Variants in STPG2 observed in about 807,000 individuals in gnomAD.
STPG2 encodes sperm-tail PG-rich repeat-containing protein 2.
STPG2 carries 56 observed loss-of-function variants against 54.2 expected under a neutral mutation model. The ratio of observed to expected loss-of-function variants is 1.03; its 90% CI spans 0.83 to 1.29. The LOEUF (loss-of-function observed/expected upper bound fraction) is 1.29. Among genes scored for constraint, STPG2 ranks in the 50% most tolerant of loss-of-function variants. STPG2 has a pLI of 0.00. For missense variants in STPG2, 596 were observed against 544.9 expected, an observed-to-expected ratio of 1.09 and a Z score of -0.93; for synonymous variants, 200 against 181.8, an observed-to-expected ratio of 1.10 and a Z score of -0.81.
chr4:97,895,573 C>A (rs1730926249), intron 8 of STPG2, among the ~76,000 whole-genome samples: 1 of 151,590 alleles, frequency 6.6e-6, no homozygotes, highest in Non-Finnish European at 1.5e-5. Flanking sequence ...ACAAATTGAA[C>A]TTAATAGCTA....
chr4:97,675,994 CAT>C (rs1192039543), intron 10 of STPG2, among the ~76,000 whole-genome samples: 3 of 142,924 alleles, frequency 2.1e-5, no homozygotes, highest in Non-Finnish European at 4.5e-5. Context: ...ATATATAAAA[CAT>C]ATATATACTA....
intron 7 of STPG2, among the ~76,000 whole-genome samples, chr4:97,958,276 C>T (rs1169586198): frequency 2.0e-5 from 3 of 151,626 alleles, no homozygotes; most frequent in Non-Finnish European, 4.4e-5. Context: ...AGCCACTGCA[C>T]TCCAGCCTGA....
chr4:97,818,653 T>C (rs908376231), intron 9 of STPG2, among the ~76,000 whole-genome samples: 4 of 151,936 alleles, frequency 2.6e-5, no homozygotes, highest in African/African-American at 9.7e-5. Flanking sequence ...CACTCTATTT[T>C]AGACTTTAAT....
intron 10 of STPG2, among the ~76,000 whole-genome samples, chr4:97,561,452 T>G (rs1732239689): frequency 6.6e-6 from 1 of 152,210 alleles, no homozygotes; most frequent in Non-Finnish European, 1.5e-5. Context: ...TTTAGTTTAA[T>G]TAGATCTCAT....
intron 5 of STPG2, among the ~76,000 whole-genome samples, chr4:98,031,637 A>G (rs995169902): frequency 2.6e-5 from 4 of 152,132 alleles, no homozygotes; most frequent in African/African-American, 9.7e-5. Context: ...GTGAGCCGAG[A>G]TCATGCCACC....
intron 7 of STPG2, among the ~76,000 whole-genome samples, chr4:97,959,829 C>A (rs1159375624): frequency 6.6e-6 from 1 of 151,948 alleles, no homozygotes; most frequent in East Asian, 1.9e-4. Context: ...AAGAGGGAAA[C>A]CTCTCTAAAT....
chr4:97,921,620 C>G (rs1297293864), intron 8 of STPG2, among the ~76,000 whole-genome samples: 1 of 151,764 alleles, frequency 6.6e-6, no homozygotes, highest in Non-Finnish European at 1.5e-5. Context: ...AAGCAAAAAA[C>G]CTACAAGACA....
At chr4:97,615,710 G>C (rs902896101) in intron 10 of STPG2, among the ~76,000 whole-genome samples, 18 of 151,830 alleles carry the variant, frequency 1.2e-4, no homozygotes, top group African/African-American at 3.9e-4. Context: ...AATGGTTCAT[G>C]AATTTCATTA....
At chr4:97,489,317 G>C (rs145257389) in intron 4 of STPG2, among the ~76,000 whole-genome samples, 134 of 151,848 alleles carry the variant, frequency 8.8e-4, no homozygotes, top group African/African-American at 2.8e-3. Flanking sequence ...GATAGACAGA[G>C]AGACAGATAA....
At chr4:97,644,617 A>G (rs1721858119) in intron 10 of STPG2, among the ~76,000 whole-genome samples, 1 of 151,998 alleles carries the variant, frequency 6.6e-6, no homozygotes, top group Non-Finnish European at 1.5e-5. Flanking sequence ...CATGGGAACT[A>G]CTAGGGGACA....
chr4:97,703,756 T>C (rs1428559232), intron 10 of STPG2, among the ~76,000 whole-genome samples: 2 of 139,492 alleles, frequency 1.4e-5, no homozygotes, highest in East Asian at 4.1e-4. Context: ...ATATATATAG[T>C]ATATTAGCAT....
rs532920833 is a variant in STPG2, at chr4:97,778,503, C to T, written c.1204+62270G>A. ...CCTGCCTCTGTAGACTCCACCTCTA[C>T]GGGCAGGGCATAGCTGAACAAAAGG... On this transcript the variant is annotated intron_variant, in intron 9 of 10. Coordinates refer to ENST00000295268, the MANE Select transcript of STPG2 (RefSeq NM_174952.3). Among the ~76,000 whole-genome samples, 12 of 152,280 alleles carry T rather than the reference C, an allele frequency of 7.9e-5. No homozygotes were observed. The South Asian group carries it at 1.0e-3, about 13-fold the overall frequency.
At chr4:97,486,919 A>T (rs1350702302) in intron 4 of STPG2, among the ~76,000 whole-genome samples, 1 of 150,442 alleles carries the variant, frequency 6.6e-6, no homozygotes, top group African/African-American at 2.4e-5. Flanking sequence ...CTCAGCCATA[A>T]AAAAGAATGA....
intron 9 of STPG2, among the ~76,000 whole-genome samples, chr4:97,739,507 C>T (rs551430601): frequency 6.7e-4 from 102 of 152,090 alleles, no homozygotes; most frequent in African/African-American, 2.1e-3. Context: ...ATCAAATAGA[C>T]GCAATAAAAA....
At chr4:98,124,504 C>A (rs752853467) in intron 3 of STPG2, among the ~76,000 whole-genome samples, 3 of 152,070 alleles carry the variant, frequency 2.0e-5, no homozygotes, top group Non-Finnish European at 4.4e-5. Context: ...GAATATTGGC[C>A]CCCAATCTCT....
At chr4:97,599,778 C>A (rs1733406973) in intron 10 of STPG2, among the ~76,000 whole-genome samples, 1 of 145,308 alleles carries the variant, frequency 6.9e-6, no homozygotes, top group African/African-American at 2.6e-5. Flanking sequence ...GAGTGGAGAT[C>A]GTGCCACTGA....
chr4:97,530,552 G>T (rs1192905543), intron 4 of STPG2, among the ~76,000 whole-genome samples: 4 of 151,982 alleles, frequency 2.6e-5, no homozygotes, highest in African/African-American at 9.7e-5. Context: ...GATTAAAAAA[G>T]TGAATATCAT....
chr4:97,987,268 CAT>C (rs138199937), intron 5 of STPG2, among the ~76,000 whole-genome samples: 1,740 of 152,262 alleles, frequency 0.011, 30 homozygotes, highest in African/African-American at 0.04. Flanking sequence ...CAGCTCTTCA[CAT>C]GATTAAATAC....
chr4:98,066,293 T>G (rs1033506105), intron 5 of STPG2, among the ~76,000 whole-genome samples: 1 of 152,160 alleles, frequency 6.6e-6, no homozygotes, highest in African/African-American at 2.4e-5. Flanking sequence ...AAGTCACACT[T>G]TAATATTTAT....
Sources: gnomAD v4.1 joint callset for allele counts (sites outside exome capture counted in the v4.1 genomes callset) on GRCh38, gnomAD v4.1.1 for gene constraint, MANE v1.5 for transcripts, NCBI Gene and HGNC (gene_info 2026-07-23, HGNC 2026-07-21) for gene names.